Variants in MORF4L1 observed in about 807,000 individuals in gnomAD.
MORF4L1 encodes mortality factor 4 like 1, also known as mortality factor 4-like protein 1.
A neutral mutation model predicts 52.9 loss-of-function variants in MORF4L1; 4 were observed. The ratio of observed to expected loss-of-function variants is 0.08; its 90% confidence interval spans 0.04 to 0.17. The LOEUF is 0.17. MORF4L1 is among the 10% of genes least tolerant of loss of function. MORF4L1 has a pLI of 1.00. For synonymous variants in MORF4L1, 123 were observed against 134.8 expected (o/e 0.91, Z 0.61); for missense variants, 214 against 390.4 (o/e 0.55, Z 3.81).
At chr15:78,891,701 T>C (rs1194672810) in intron 7 of MORF4L1, 129 bp downstream of exon 7, 10 of 690,950 alleles carry the variant, frequency 1.4e-5, no homozygotes, top group Non-Finnish European at 2.4e-5. Flanking sequence ...AAAAATTTTC[T>C]CTTTTGGGGG....
At chr15:78,873,191 G>C in intron 1 of MORF4L1, 134 bp downstream of exon 1, 1 of 1,519,662 alleles carries the variant, frequency 6.6e-7, no homozygotes, top group Non-Finnish European at 8.8e-7. Flanking sequence ...CTTTGTGCGG[G>C]GAAAGCGCAT....
intron 5 of MORF4L1, among the ~76,000 whole-genome samples, chr15:78,889,317 C>T (rs1007949757): frequency 3.3e-5 from 5 of 152,272 alleles, no homozygotes; most frequent in Admixed American, 6.5e-5. Flanking sequence ...TGAAGTGTTT[C>T]GGACCAGAAG....
intron 5 of MORF4L1, 57 bp from the exon 6 acceptor site, chr15:78,890,932 G>T: frequency 7.3e-7 from 1 of 1,361,288 alleles, no homozygotes; most frequent in South Asian, 1.5e-5. Context: ...AAAGGGAGTT[G>T]AAACAGAGGC....
rs896448478 is a variant in MORF4L1 at position 78,897,918 on chromosome 15, T to A, written c.*851T>A. The A allele has an allele frequency of 6.6e-6, 1 of 152,296 alleles. No homozygotes were observed. The highest frequency in any genetic ancestry group is 1.5e-5 in the Non-Finnish European group (1 of 68,052). 9.4% of individuals were successfully genotyped at this position (152,296 alleles called of 1,614,324 possible). ...AGCTTTGGCAGTTTGCTGTCTTGAG[T>A]CTTAGCTAAAAAGTTAGAAGTTTAC... On this transcript the variant is annotated 3_prime_UTR_variant, in exon 12 of 12. Transcript: ENST00000426013.
intron 1 of MORF4L1, among the ~76,000 whole-genome samples, chr15:78,874,822 A>G (rs2056452612): frequency 1.3e-5 from 2 of 150,844 alleles, no homozygotes; most frequent in African/African-American, 2.4e-5. Flanking sequence ...TAGAGCAGAT[A>G]TTCTTAATCT....
intron 3 of MORF4L1, among the ~76,000 whole-genome samples, chr15:78,880,869 GTT>G (rs67358795): frequency 1.6e-4 from 23 of 144,746 alleles, no homozygotes; most frequent in African/African-American, 5.6e-4. Context: ...ACATTTTTCT[GTT>G]TTTTTTTTTT....
intron 4 of MORF4L1, among the ~76,000 whole-genome samples, chr15:78,886,863 G>C (rs113634084): frequency 0.046 from 7,015 of 151,892 alleles, 632 homozygotes; most frequent in East Asian, 0.37. Flanking sequence ...GCTGAGGCAG[G>C]AGAATGGCGT....
At position 78,895,302 on chromosome 15, in the gene MORF4L1, T is replaced by TAC. The variant is rs141995481; in HGVS notation, c.887+404_887+405dup. The stretch of plus-strand genomic sequence containing the variant: ...TATGATAAATGGTTGGTACCTTTAA[T>TAC]ACACACAGAGTTCTTCGGTAAGAAA... On this transcript the variant is annotated intron_variant, in intron 11 of 11. Coordinates refer to ENST00000426013, the MANE Select transcript of MORF4L1 (RefSeq NM_006791.4). Among the ~76,000 whole-genome samples the TAC allele has an allele frequency of 3.4e-5, 5 of 148,966 alleles. No homozygotes were observed. In the Admixed American group the frequency reaches 3.4e-4, roughly 10 times the overall value.
At chr15:78,896,097 G>A (rs1186691560) in intron 11 of MORF4L1, among the ~76,000 whole-genome samples, 1 of 152,004 alleles carries the variant, frequency 6.6e-6, no homozygotes, top group East Asian at 1.9e-4. Context: ...TTGGGCCTCA[G>A]CCTCCCAAGT....
At chr15:78,893,411 G>A in intron 8 of MORF4L1, 128 bp from the exon 9 acceptor site, 1 of 644,892 alleles carries the variant, frequency 1.6e-6, no homozygotes, top group Admixed American at 2.6e-5. Context: ...TGTTTTAAGT[G>A]CTGAATAGTA....
chr15:78,881,371 A>C (rs986276599), intron 3 of MORF4L1, among the ~76,000 whole-genome samples: 2 of 151,196 alleles, frequency 1.3e-5, no homozygotes, highest in African/African-American at 2.4e-5. Flanking sequence ...AATTTTTTGT[A>C]TTTTTAGTAG....
chr15:78,882,655 C>T (rs1473264129), intron 3 of MORF4L1, among the ~76,000 whole-genome samples: 1 of 151,890 alleles, frequency 6.6e-6, no homozygotes, highest in African/African-American at 2.4e-5. Flanking sequence ...TTTCATTTCT[C>T]TACAGGAAAG....
At chr15:78,887,520 A>G (rs2056726125) in intron 5 of MORF4L1, 171 bp downstream of exon 5, 1 of 497,952 alleles carries the variant, frequency 2.0e-6, no homozygotes, top group South Asian at 3.9e-5. Context: ...CGTATTCCTT[A>G]ATTTTCCTCA....
At chr15:78,892,856 A>AT (rs1266823513) in intron 8 of MORF4L1, 1 of 153,566 alleles carries the variant, frequency 6.5e-6, no homozygotes, top group Non-Finnish European at 1.4e-5. Context: ...GGGGGAGATG[A>AT]TTAGGGACTG....
At chr15:78,876,890 TG>T (rs2056503474) in intron 1 of MORF4L1, among the ~76,000 whole-genome samples, 1 of 152,144 alleles carries the variant, frequency 6.6e-6, no homozygotes, top group Non-Finnish European at 1.5e-5. Flanking sequence ...TCTAATAATA[TG>T]GGTCTTTGGT....
chr15:78,891,472 C>G lies in MORF4L1; in HGVS notation c.350-12C>G, dbSNP rs1296214719. 1.9e-6 allele frequency: 3 copies of G among 1,611,538 alleles called. No homozygotes were observed. Among genetic ancestry groups the G allele is most frequent in the Non-Finnish European group, 2.5e-6 (3 of 1,177,992 alleles). The stretch of plus-strand genomic sequence containing the variant: ...TTAGCTAAATGAGACCCCTCCCCGC[C>G]AACATTTACAGCACCTGGAAATGGA... On this transcript the variant is annotated splice_polypyrimidine_tract_variant and intron_variant, in intron 6 of 11. Transcript: ENST00000426013.
In MORF4L1 at chr15:78,873,015, T is replaced by C. The variant is rs1253363175; in HGVS notation, c.-3T>C. The C allele has an allele frequency of 4.5e-6, 7 of 1,551,868 alleles. No homozygotes were observed. The highest frequency in any genetic ancestry group is 5.2e-6 in the Non-Finnish European group (6 of 1,147,088). The stretch of plus-strand genomic sequence containing the variant: ...GAAGGAGGAGGCGGCGAATCACTTA[T>C]AAATGGCGCCGAAGCAGGACCCGAA... On this transcript the variant is annotated 5_prime_UTR_variant, in exon 1 of 12. Coordinates refer to ENST00000426013, the MANE Select transcript of MORF4L1 (RefSeq NM_006791.4).
At chr15:78,873,245 T>G in intron 1 of MORF4L1, 188 bp downstream of exon 1, 1 of 1,504,942 alleles carries the variant, frequency 6.6e-7, no homozygotes. Flanking sequence ...AAGCGCTTTG[T>G]GAAGCGAGAG....
At position 78,897,245 on chromosome 15, in the gene MORF4L1, CT is replaced by C. The variant is rs540204037; in HGVS notation, c.*189del. 27,751 of 375,206 alleles carry C rather than the reference CT, an allele frequency of 0.074. 1,803 individuals carry two copies. Among genetic ancestry groups the C allele is most frequent in the East Asian group, 0.4 (9,475 of 23,892 alleles). 23.2% of individuals were successfully genotyped at this position (375,206 alleles called of 1,614,324 possible). A position where few individuals can be genotyped will look rare whatever the true frequency, so the allele number is the denominator to read the frequency against. ...GGTAATAGCTCCTTTTTTCTTCTTT[CT>C]TTTTTTTTTTCATTTCAAAATTGCT... On this transcript the variant is annotated 3_prime_UTR_variant, in exon 12 of 12. Coordinates refer to ENST00000426013, the MANE Select transcript of MORF4L1 (RefSeq NM_006791.4).
Sources: gnomAD v4.1 joint callset for allele counts (sites outside exome capture counted in the v4.1 genomes callset) on GRCh38, gnomAD v4.1.1 for gene constraint, MANE v1.5 for transcripts, NCBI Gene and HGNC (gene_info 2026-07-23, HGNC 2026-07-21) for gene names.